FAM186B: variants seen among roughly 807,000 people sequenced by gnomAD.
The protein encoded by FAM186B is family with sequence similarity 186 member B, also known as protein FAM186B.
FAM186B carries 68 observed loss-of-function variants against 83.4 expected under a neutral mutation model. The ratio of observed to expected loss-of-function variants is 0.81; its 90% CI spans 0.67 to 1.00. The LOEUF is 1.00. FAM186B is among the 50% of genes least tolerant of loss of function. FAM186B has a pLI of 0.00. For missense variants in FAM186B, 983 were observed against 1,099.2 expected (o/e 0.89, Z 1.49); for synonymous variants, 389 against 422.0 (o/e 0.92, Z 0.96).
chr12:49,613,909 G>A, the FAM186B span, among the ~76,000 whole-genome samples: 3 of 151,996 alleles, frequency 2.0e-5, no homozygotes, highest in African/African-American at 7.3e-5. Flanking sequence ...AGCACTTTGG[G>A]AGGCCTTGGT....
chr12:49,588,361 C>T (rs537033211), intron 6 of FAM186B, 93 bp downstream of exon 6: 9 of 1,459,876 alleles, frequency 6.2e-6, no homozygotes, highest in Admixed American at 4.3e-5. Flanking sequence ...TGTTGGTGCC[C>T]TCACTTCACT....
At chr12:49,593,416 CCT>C (rs1244569970) in intron 5 of FAM186B, among the ~76,000 whole-genome samples, 3 of 152,214 alleles carry the variant, frequency 2.0e-5, no homozygotes, top group East Asian at 3.9e-4. Context: ...GGGCGGATCC[CCT>C]GAGGTTGAGA....
chr12:49,595,872 C>A (rs1302516120), intron 5 of FAM186B, among the ~76,000 whole-genome samples: 1 of 152,132 alleles, frequency 6.6e-6, no homozygotes, highest in Non-Finnish European at 1.5e-5. Flanking sequence ...ATAGTCCCAG[C>A]TACTCGGGAG....
intron 5 of FAM186B, among the ~76,000 whole-genome samples, chr12:49,593,643 A>AAAAG (rs896295241): frequency 6.7e-6 from 1 of 150,164 alleles, no homozygotes; most frequent in African/African-American, 2.5e-5. Flanking sequence ...AAAAAAAAAA[A>AAAAG]AAAGAAAAGA....
At chr12:49,614,334 C>T in the FAM186B span, among the ~76,000 whole-genome samples, 5 of 152,114 alleles carry the variant, frequency 3.3e-5, no homozygotes, top group African/African-American at 1.2e-4. Context: ...CATGACATGA[C>T]CACCAACAGT....
the FAM186B span, among the ~76,000 whole-genome samples, chr12:49,620,191 CA>C: frequency 6.6e-6 from 1 of 152,090 alleles, no homozygotes; most frequent in South Asian, 2.1e-4. Flanking sequence ...TTGAAATGTC[CA>C]CCTTCTTAAA....
At chr12:49,622,393 A>C in the FAM186B span, among the ~76,000 whole-genome samples, 1 of 152,232 alleles carries the variant, frequency 6.6e-6, no homozygotes, top group African/African-American at 2.4e-5. Context: ...CTGTAGTCCC[A>C]GCTACTCGGA....
intron 5 of FAM186B, among the ~76,000 whole-genome samples, chr12:49,592,477 A>G (rs1489350371): frequency 1.3e-5 from 2 of 151,428 alleles, no homozygotes; most frequent in East Asian, 3.9e-4. Context: ...GTCTCAAAAA[A>G]TAATAATAAT....
chr12:49,601,991 A>G (rs1312903481), intron 3 of FAM186B, among the ~76,000 whole-genome samples: 1 of 152,196 alleles, frequency 6.6e-6, no homozygotes, highest in Non-Finnish European at 1.5e-5. Context: ...AGTGGTCCAG[A>G]GTTTAGATTC....
In FAM186B at chr12:49,603,979, G is replaced by A. The variant is rs1478634549; in HGVS notation, c.322+334C>T. On this transcript the variant is annotated intron_variant, in intron 2 of 6. Transcript: ENST00000257894. Reference sequence around the variant, plus strand: ...ACCAGTTGCTCACAGCTGGCATCAGGGCCCATGCAGTAAAGGTCATTCAGT... The same window carrying A: ...ACCAGTTGCTCACAGCTGGCATCAGAGCCCATGCAGTAAAGGTCATTCAGT... Among the ~76,000 whole-genome samples, 3 of 152,178 alleles carry A rather than the reference G, an allele frequency of 2.0e-5. No homozygotes were observed. The East Asian group carries it at 5.8e-4, about 29-fold the overall frequency.
intron 5 of FAM186B, chr12:49,595,434 C>T (rs1939692756): frequency 2.0e-6 from 1 of 499,852 alleles, no homozygotes; most frequent in Non-Finnish European, 4.0e-6. Context: ...TAGCCACTAT[C>T]TGTGCAGGTC....
chr12:49,589,663 G>A lies in FAM186B; in HGVS notation c.2365-1040C>T, dbSNP rs978033098. The stretch of plus-strand genomic sequence containing the variant: ...TCAGTGAAAAAAAAAAGACAAAGAA[G>A]TTAAATCTATATCTATATATCTATA... On this transcript the variant is annotated intron_variant, in intron 5 of 6. Coordinates refer to ENST00000257894, the MANE Select transcript of FAM186B (RefSeq NM_032130.3). Among the ~76,000 whole-genome samples the A allele has an allele frequency of 1.5e-4, 23 of 151,876 alleles. 1 individual carries two copies. Among genetic ancestry groups the A allele is most frequent in the Non-Finnish European group, 1.0e-4 (7 of 67,962 alleles).
chr12:49,585,964 G>A (rs536097249), downstream of FAM186B, among the ~76,000 whole-genome samples: 4 of 152,324 alleles, frequency 2.6e-5, no homozygotes, highest in South Asian at 8.3e-4. Flanking sequence ...CCAAAATAGC[G>A]GACCCCAAGA....
At chr12:49,616,094 A>G in the FAM186B span, among the ~76,000 whole-genome samples, 4 of 151,880 alleles carry the variant, frequency 2.6e-5, no homozygotes, top group African/African-American at 9.7e-5. Flanking sequence ...CAGTGGTGCA[A>G]TCTCGGCTCA....
downstream of FAM186B, chr12:49,583,728 A>G (rs948240180): frequency 1.3e-5 from 2 of 152,888 alleles, no homozygotes; most frequent in African/African-American, 4.8e-5. Flanking sequence ...ACCGCTGGAC[A>G]TGGGTTCTCT....
At chr12:49,606,486 G>GACAC (rs57458344), upstream of FAM186B, among the ~76,000 whole-genome samples, 12,276 of 135,890 alleles carry the variant, frequency 0.09, 714 homozygotes, top group African/African-American at 0.19. Context: ...TAGATACCCT[G>GACAC]ACACACACAC....
chr12:49,613,703 G>GGAGTTCCAGCTACT, the FAM186B span, among the ~76,000 whole-genome samples: 2 of 151,666 alleles, frequency 1.3e-5, no homozygotes, highest in African/African-American at 4.8e-5. Flanking sequence ...ACCAGGCATG[G>GGAGTTCCAGCTACT]TGGCATGTAC....
At chr12:49,596,874 C>G (rs983439949) in intron 5 of FAM186B, among the ~76,000 whole-genome samples, 1 of 152,282 alleles carries the variant, frequency 6.6e-6, no homozygotes, top group South Asian at 2.1e-4. Flanking sequence ...TGGAAACAAC[C>G]GAGGTGCCCA....
the FAM186B span, among the ~76,000 whole-genome samples, chr12:49,611,773 C>G: frequency 7.1e-6 from 1 of 141,124 alleles, no homozygotes; most frequent in Non-Finnish European, 1.5e-5. Context: ...GCAGGAGAAT[C>G]GCTTGAACCT....
Sources: allele counts gnomAD v4.1 joint callset (sites outside exome capture counted in the v4.1 genomes callset), GRCh38; gene constraint gnomAD v4.1.1; transcripts MANE v1.5; gene names NCBI Gene and HGNC (gene_info 2026-07-23, HGNC 2026-07-21).